L2HGDH: variants seen among roughly 807,000 people sequenced by gnomAD.
L2HGDH encodes the protein L-2-hydroxyglutarate dehydrogenase.
In L2HGDH, 34 loss-of-function variants were observed where a neutral mutation model predicts 51.5. The ratio of observed to expected loss-of-function variants is 0.66; its 90% CI spans 0.50 to 0.88. The LOEUF (loss-of-function observed/expected upper bound fraction) is 0.88. Ranked by LOEUF, L2HGDH falls within the 40% of genes least tolerant of loss-of-function variation. The pLI is 0.00. For missense variants in L2HGDH, 558 were observed against 571.9 expected, an observed-to-expected ratio of 0.98 and a Z score of 0.25; for synonymous variants, 198 against 197.9, an observed-to-expected ratio of 1.00 and a Z score of -0.01.
Position 50,244,458 on chromosome 14 carries a change from A to G in L2HGDH, c.*2600T>C. 2.0e-6 allele frequency: 2 copies of G among 985,232 alleles called. No individual in the cohort carries two copies. The highest frequency in any genetic ancestry group is 2.4e-6 in the Non-Finnish European group (2 of 829,718). The allele number at this position is 985,232 out of a possible 1,614,324, so 61.0% of individuals were successfully genotyped here. A position where few individuals can be genotyped will look rare whatever the true frequency, so the allele number is the denominator to read the frequency against. On this transcript the variant is annotated 3_prime_UTR_variant, in exon 10 of 10. Transcript: ENST00000267436. ...AACTTAGTATGTATGCAATCGTACTACTGACAAAATACAGAATGATAATAT... is the reference window on the plus strand; with the variant it reads ...AACTTAGTATGTATGCAATCGTACTGCTGACAAAATACAGAATGATAATAT...
intron 9 of L2HGDH, among the ~76,000 whole-genome samples, chr14:50,261,506 A>G (rs1366221526): frequency 6.6e-6 from 1 of 152,212 alleles, no homozygotes; most frequent in Non-Finnish European, 1.5e-5. Flanking sequence ...TATTTGAGAC[A>G]GGGTCTTGTT....
intron 5 of L2HGDH, chr14:50,282,496 G>A (rs934227418): frequency 6.6e-6 from 3 of 455,726 alleles, no homozygotes; most frequent in African/African-American, 2.0e-5. Flanking sequence ...ATTCTTGCTC[G>A]TTATTCAGCT....
chr14:50,304,354 C>G (rs558339669), intron 1 of L2HGDH, among the ~76,000 whole-genome samples: 6 of 152,264 alleles, frequency 3.9e-5, no homozygotes, highest in African/African-American at 1.4e-4. Flanking sequence ...TTTCAAAATT[C>G]CAATGTAGTA....
rs1327093945 is a variant in L2HGDH at position 50,312,102 on chromosome 14, C to G, written c.49G>C (p.Gly17Arg). 6.2e-7 allele frequency: 1 copy of G among 1,608,230 alleles called. No homozygotes were observed. The highest frequency in any genetic ancestry group is 8.5e-7 in the Non-Finnish European group (1 of 1,178,304). ...CCAGGGGAGCCACCGGCGAAAAGCC[C>G]GCGGGCCCGTCCGCAGGCACCAACC... ...YLVGACGRAR[G>R]LFAGGSPGAC... The change falls in exon 1 of 10, where the codon GGG (glycine) becomes CGG (arginine). Residue 17 changes from glycine (G) to arginine (R), a missense_variant. Around this residue, in one of 3 missense-constraint regions of L2HGDH, gnomAD observed 194 missense variants for 187.2 expected, o/e 1.04. Coordinates refer to ENST00000267436, the MANE Select transcript of L2HGDH (RefSeq NM_024884.3).
chr14:50,242,713 G>C lies in L2HGDH; in HGVS notation c.*4345C>G, dbSNP rs972578572. 2 of 985,276 alleles carry C rather than the reference G, an allele frequency of 2.0e-6. No homozygotes were observed. The highest frequency in any genetic ancestry group is 3.5e-5 in the African/African-American group (2 of 57,216). The allele number at this position is 985,276 out of a possible 1,614,324, so 61.0% of individuals were successfully genotyped here. A position where few individuals can be genotyped will look rare whatever the true frequency, so the allele number is the denominator to read the frequency against. On this transcript the variant is annotated 3_prime_UTR_variant, in exon 10 of 10. Transcript: ENST00000267436. The stretch of plus-strand genomic sequence containing the variant: ...CTTCTACCTTAAGCCCTGATGAAGA[G>C]ATTTCAAAAACTCCCTTTGAGTGTG...
chr14:50,278,251 A>C (rs1890081376), intron 6 of L2HGDH, among the ~76,000 whole-genome samples: 1 of 152,202 alleles, frequency 6.6e-6, no homozygotes, highest in African/African-American at 2.4e-5. Flanking sequence ...CAGTAGATAG[A>C]GTGATAAAAT....
chr14:50,312,030 T>C lies in L2HGDH; in HGVS notation c.121A>G (p.Ser41Gly), dbSNP rs1025258015. 24 of 1,576,506 alleles carry C rather than the reference T, an allele frequency of 1.5e-5. No individual in the cohort carries two copies. The African/African-American group carries it at 3.0e-4, about 19-fold the overall frequency. The stretch of plus-strand genomic sequence containing the variant: ...ACTCACCTGGTGCTGGCGCTGCGGC[T>C]ACCTCCACACAGCGGTCTTGGCCTC... ...SGRPRPLCGGSRSASTSSFDI... is the reference protein window; with the variant it reads ...SGRPRPLCGGGRSASTSSFDI... The change falls in exon 1 of 10, where the codon AGC (serine) becomes GGC (glycine). Residue 41 changes from serine (S) to glycine (G), a missense_variant. Physicochemically the swap from Ser to Gly is moderately conservative, Grantham distance 56 (BLOSUM62 0). Transcript: ENST00000267436.
chr14:50,264,674 T>C (rs1205191110), intron 9 of L2HGDH, among the ~76,000 whole-genome samples: 4 of 152,094 alleles, frequency 2.6e-5, no homozygotes, highest in Non-Finnish European at 4.4e-5. Flanking sequence ...GGGAGCTAAA[T>C]GATGAGAACA....
rs1566512711 is a variant in L2HGDH at position 50,267,564 on chromosome 14, T to TTG, written c.1064+188_1064+189insCA. Among the ~76,000 whole-genome samples, 460 of 150,976 alleles carry TTG rather than the reference T, an allele frequency of 3.0e-3. 1 individual carries two copies. Among genetic ancestry groups the TTG allele is most frequent in the Non-Finnish European group, 4.7e-3 (317 of 67,684 alleles). On this transcript the variant is annotated intron_variant, in intron 8 of 9. Transcript: ENST00000267436. The stretch of plus-strand genomic sequence containing the variant: ...TACTTATTCCAAAAGGCATTTTTTT[T>TTG]TTTGTTTGTTTGTTTGTTTGTTTGC...
chr14:50,282,329 T>C (rs1890320409), intron 5 of L2HGDH: 1 of 399,420 alleles, frequency 2.5e-6, no homozygotes, highest in Non-Finnish European at 4.9e-6. Context: ...TGCAATTACC[T>C]TGGTGTCCTA....
At position 50,248,624 on chromosome 14, in the gene L2HGDH, A is replaced by C. The variant is rs776827363; in HGVS notation, c.1197-1371T>G. 2.5e-4 allele frequency among the ~76,000 whole-genome samples: 38 copies of C among 152,218 alleles called. 1 individual carries two copies. The highest frequency in any genetic ancestry group is 7.3e-5 in the Non-Finnish European group (5 of 68,042). ...ATAAGAATTATAACAGTAAGAGTGAAAGGTTGTATGATAAAGATAAGTGAT... is the reference window on the plus strand; with the variant it reads ...ATAAGAATTATAACAGTAAGAGTGACAGGTTGTATGATAAAGATAAGTGAT... On this transcript the variant is annotated intron_variant, in intron 9 of 9. Coordinates refer to ENST00000267436, the MANE Select transcript of L2HGDH (RefSeq NM_024884.3).
intron 6 of L2HGDH, among the ~76,000 whole-genome samples, chr14:50,277,415 C>T (rs1890035197): frequency 1.3e-5 from 2 of 152,072 alleles, no homozygotes; most frequent in African/African-American, 4.8e-5. Context: ...AGGAACTATG[C>T]TTGACAGAAT....
intron 4 of L2HGDH, among the ~76,000 whole-genome samples, chr14:50,288,302 A>T (rs1449844889): frequency 6.6e-6 from 1 of 152,214 alleles, no homozygotes; most frequent in East Asian, 1.9e-4. Flanking sequence ...GAGCTTCTGT[A>T]TTAGACCTCT....
chr14:50,253,646 G>T (rs1412180332), intron 9 of L2HGDH, among the ~76,000 whole-genome samples: 2 of 152,042 alleles, frequency 1.3e-5, no homozygotes, highest in African/African-American at 2.4e-5. Flanking sequence ...AAAAGCTAAA[G>T]ATAGAGTTAC....
At chr14:50,288,784 T>A (rs917219416) in intron 4 of L2HGDH, among the ~76,000 whole-genome samples, 2 of 152,206 alleles carry the variant, frequency 1.3e-5, no homozygotes, top group Non-Finnish European at 2.9e-5. Context: ...TGCTTTTTGT[T>A]CTCTGTTTCT....
intron 5 of L2HGDH, among the ~76,000 whole-genome samples, chr14:50,279,982 C>A (rs1019088110): frequency 6.6e-6 from 1 of 151,104 alleles, no homozygotes. Flanking sequence ...ATTGCTTGAA[C>A]CTGAGAGGCA....
chr14:50,299,106 C>T (rs963697471), intron 3 of L2HGDH, among the ~76,000 whole-genome samples: 3 of 151,796 alleles, frequency 2.0e-5, no homozygotes, highest in Non-Finnish European at 2.9e-5. Context: ...AAGAGAAGAC[C>T]CGGATAAATA....
intron 4 of L2HGDH, chr14:50,287,311 T>A: frequency 1.0e-6 from 1 of 984,926 alleles, no homozygotes; most frequent in South Asian, 4.7e-5. Flanking sequence ...TGTTCCGATT[T>A]TTTCTCTTTA....
chr14:50,312,183 G>A lies in L2HGDH; in HGVS notation c.-33C>T. On this transcript the variant is annotated 5_prime_UTR_variant, in exon 1 of 10. Coordinates refer to ENST00000267436, the MANE Select transcript of L2HGDH (RefSeq NM_024884.3). ...GCACGCTCCCCTCCCTCAGCGCTCAGAAGAAGCCACTTGACCCTCCACGGC... is the reference window on the plus strand; with the variant it reads ...GCACGCTCCCCTCCCTCAGCGCTCAAAAGAAGCCACTTGACCCTCCACGGC... The A allele has an allele frequency of 1.2e-6, 2 of 1,606,158 alleles. No individual in the cohort carries two copies. The highest frequency in any genetic ancestry group is 1.7e-6 in the Non-Finnish European group (2 of 1,178,470).
Sources: allele counts gnomAD v4.1 joint callset (sites outside exome capture counted in the v4.1 genomes callset), GRCh38; gene constraint gnomAD v4.1.1; regional missense constraint gnomAD v4.1.1; transcripts MANE v1.5; gene names NCBI Gene and HGNC (gene_info 2026-07-23, HGNC 2026-07-21).